TXNRD1: variants seen among roughly 807,000 people sequenced by gnomAD.
TXNRD1 encodes thioredoxin reductase 1, cytoplasmic.
A neutral mutation model predicts 80.3 loss-of-function variants in TXNRD1; 57 were observed. The observed-to-expected ratio is 0.71, with a 90% CI of 0.57 to 0.89. TXNRD1 has a LOEUF of 0.89. Among genes scored for constraint, TXNRD1 ranks in the 40% least tolerant of loss-of-function variants. TXNRD1 has a pLI of 0.00. For synonymous variants in TXNRD1, 291 were observed against 285.2 expected, an observed-to-expected ratio of 1.02 and a Z score of -0.20; for missense variants, 730 against 803.0, an observed-to-expected ratio of 0.91 and a Z score of 1.10.
chr12:104,271,958 C>T (rs911983675), intron 3 of TXNRD1, among the ~76,000 whole-genome samples: 11 of 151,990 alleles, frequency 7.2e-5, no homozygotes, highest in African/African-American at 2.7e-4. Context: ...CGCGGTGACT[C>T]ACCCCTGTAA....
At chr12:104,220,754 C>T (rs932541991) in intron 1 of TXNRD1, among the ~76,000 whole-genome samples, 3 of 145,090 alleles carry the variant, frequency 2.1e-5, no homozygotes, top group Non-Finnish European at 3.0e-5. Flanking sequence ...GGGGGGGAGG[C>T]GGTATTTTAG....
At chr12:104,248,456 C>G (rs189486450) in intron 1 of TXNRD1, among the ~76,000 whole-genome samples, 10 of 152,110 alleles carry the variant, frequency 6.6e-5, no homozygotes, top group Non-Finnish European at 1.3e-4. Context: ...AGCTAATTTT[C>G]GTATTTTAAG....
intron 3 of TXNRD1, among the ~76,000 whole-genome samples, chr12:104,267,658 T>TTTCTTTCTTTCTTTCC (rs2033539984): frequency 3.0e-5 from 1 of 32,942 alleles, no homozygotes; most frequent in Admixed American, 3.0e-4. Context: ...TCTTTCTTTC[T>TTTCTTTCTTTCTTTCC]TTCTTTCTTT....
chr12:104,317,927 G>T (rs971769194), intron 7 of TXNRD1, among the ~76,000 whole-genome samples: 2 of 152,194 alleles, frequency 1.3e-5, no homozygotes, highest in African/African-American at 4.8e-5. Flanking sequence ...AGCACTTGAG[G>T]TCGGGAGTTT....
Position 104,321,147 on chromosome 12 carries a change from C to G in TXNRD1, c.1046C>G (p.Ser349Cys), listed in dbSNP as rs1317869101. 6.2e-7 allele frequency: 1 copy of G among 1,612,776 alleles called. No individual in the cohort carries two copies. Among genetic ancestry groups the G allele is most frequent in the Non-Finnish European group, 8.5e-7 (1 of 1,179,786 alleles). The stretch of plus-strand genomic sequence containing the variant: ...GGTAAGACCCTGGTTGTTGGAGCAT[C>G]CTATGTCGCTTTGGAGTGCGCTGGA... ...CPGKTLVVGA[S>C]YVALECAGFL... The change falls in exon 10 of 17, where the codon TCC becomes TGC. Residue 349 changes from serine (S) to cysteine (C), a missense_variant. Coordinates refer to ENST00000525566, the MANE Select transcript of TXNRD1 (RefSeq NM_001093771.3).
intron 1 of TXNRD1, among the ~76,000 whole-genome samples, chr12:104,229,008 C>T (rs1045114827): frequency 1.3e-5 from 2 of 151,996 alleles, no homozygotes; most frequent in East Asian, 3.9e-4. Flanking sequence ...CGTGAGCCAC[C>T]GTGCCCAGCC....
At chr12:104,291,639 G>A (rs1328344503) in intron 4 of TXNRD1, among the ~76,000 whole-genome samples, 3 of 151,580 alleles carry the variant, frequency 2.0e-5, no homozygotes, top group Admixed American at 6.6e-5. Flanking sequence ...GCCTGCCACC[G>A]TGCCTAGCTA....
intron 3 of TXNRD1, among the ~76,000 whole-genome samples, chr12:104,269,399 C>CTTTTTT (rs71069741): frequency 1.4e-4 from 17 of 120,430 alleles, no homozygotes; most frequent in South Asian, 2.7e-4. Context: ...GTGTTTCTTT[C>CTTTTTT]TTTTTTTTTT....
intron 2 of TXNRD1, among the ~76,000 whole-genome samples, chr12:104,256,793 A>G (rs1291855231): frequency 3.0e-5 from 4 of 133,934 alleles, no homozygotes; most frequent in Non-Finnish European, 4.8e-5. Context: ...AAAAAAAAAG[A>G]AAAAGAAAAA....
intron 4 of TXNRD1, chr12:104,305,212 G>T (rs1477437960): frequency 7.5e-6 from 2 of 267,716 alleles, no homozygotes; most frequent in Non-Finnish European, 1.5e-5. Context: ...CAAATTAAGG[G>T]ATATTTGATA....
At chr12:104,225,512 T>G (rs2032453187) in intron 1 of TXNRD1, among the ~76,000 whole-genome samples, 1 of 152,170 alleles carries the variant, frequency 6.6e-6, no homozygotes, top group African/African-American at 2.4e-5. Context: ...TGGAGATAAC[T>G]GAATCATGGG....
At chr12:104,334,178 G>A (rs2036053894) in intron 14 of TXNRD1, 59 bp from the exon 15 acceptor site, 3 of 799,574 alleles carry the variant, frequency 3.8e-6, no homozygotes, top group Admixed American at 6.6e-5. Context: ...CACCATATAT[G>A]TTTGACAGAC....
chr12:104,278,189 CTTTTTTTTT>C (rs202175579), intron 3 of TXNRD1, among the ~76,000 whole-genome samples: 2 of 98,294 alleles, frequency 2.0e-5, no homozygotes, highest in African/African-American at 4.0e-5. Flanking sequence ...TGATCAAATT[CTTTTTTTTT>C]TTTTTTTTTT....
chr12:104,270,472 G>C (rs1189203692), intron 3 of TXNRD1, among the ~76,000 whole-genome samples: 1 of 152,086 alleles, frequency 6.6e-6, no homozygotes, highest in Non-Finnish European at 1.5e-5. Context: ...TGAGCAATAG[G>C]TCTCAACAGT....
At chr12:104,224,339 T>C (rs1176219038) in intron 1 of TXNRD1, among the ~76,000 whole-genome samples, 4 of 152,142 alleles carry the variant, frequency 2.6e-5, no homozygotes, top group African/African-American at 9.7e-5. Flanking sequence ...TAGTGTATTG[T>C]GTAGCATTCT....
intron 4 of TXNRD1, among the ~76,000 whole-genome samples, chr12:104,301,439 G>C (rs1036893906): frequency 1.3e-5 from 2 of 152,172 alleles, no homozygotes; most frequent in African/African-American, 4.8e-5. Context: ...CTGGGTTCAG[G>C]CTAGTCTCCT....
chr12:104,316,313 T>C (rs2035325196), intron 7 of TXNRD1, among the ~76,000 whole-genome samples: 1 of 151,786 alleles, frequency 6.6e-6, no homozygotes, highest in Non-Finnish European at 1.5e-5. Flanking sequence ...GTGGTTAGGC[T>C]TTGTTGGATT....
rs972286221 is a variant in TXNRD1 at position 104,296,375 on chromosome 12, T to TA, written c.414+7344dup. 2.0e-3 allele frequency among the ~76,000 whole-genome samples: 309 copies of TA among 151,552 alleles called. 2 individuals are homozygous for TA. The highest frequency in any genetic ancestry group is 6.8e-3 in the African/African-American group (281 of 41,328). ...TAAGAGAACAATGAGGCTGGGCTTC[T>TA]AAAAAAAAATATACATTTTAATATC... On this transcript the variant is annotated intron_variant, in intron 4 of 16. Coordinates refer to ENST00000525566, the MANE Select transcript of TXNRD1 (RefSeq NM_001093771.3).
chr12:104,271,551 A>G (rs1404739551), intron 3 of TXNRD1, among the ~76,000 whole-genome samples: 1 of 152,110 alleles, frequency 6.6e-6, no homozygotes, highest in Non-Finnish European at 1.5e-5. Flanking sequence ...CAGGGGATGG[A>G]TCTCACAAAG....
Sources: allele counts gnomAD v4.1 joint callset (sites outside exome capture counted in the v4.1 genomes callset), GRCh38; gene constraint gnomAD v4.1.1; transcripts MANE v1.5; gene names NCBI Gene and HGNC (gene_info 2026-07-23, HGNC 2026-07-21).